GPHN: variants seen among roughly 807,000 people sequenced by gnomAD.
GPHN encodes the protein gephyrin.
In GPHN, 17 loss-of-function variants were observed where a neutral mutation model predicts 95.5. The ratio of observed to expected loss-of-function variants is 0.18; its 90% CI spans 0.12 to 0.27. GPHN has a LOEUF of 0.27. Among genes scored for constraint, GPHN ranks in the 10% least tolerant of loss-of-function variants. GPHN has a pLI of 1.00. For missense variants in GPHN, 660 were observed against 978.1 expected, an observed-to-expected ratio of 0.67 and a Z score of 4.34; for synonymous variants, 320 against 322.5, an observed-to-expected ratio of 0.99 and a Z score of 0.08.
At chr14:66,797,021 CTTT>C (rs369681377) in intron 3 of GPHN, among the ~76,000 whole-genome samples, 996 of 81,158 alleles carry the variant, frequency 0.012, 9 homozygotes, top group African/African-American at 0.043. Context: ...TATCTAGTTC[CTTT>C]TTTTTTTTTT....
At chr14:67,468,387 C>G in the GPHN span, among the ~76,000 whole-genome samples, 1 of 152,214 alleles carries the variant, frequency 6.6e-6, no homozygotes, top group East Asian at 1.9e-4. Flanking sequence ...AACATTGCAG[C>G]CTTCTGAGAC....
intron 13 of GPHN, among the ~76,000 whole-genome samples, chr14:67,101,169 A>T (rs993797587): frequency 1.3e-5 from 2 of 151,870 alleles, no homozygotes; most frequent in African/African-American, 2.4e-5. Flanking sequence ...CAGACCTGTG[A>T]TTGGGTGATT....
chr14:67,382,014 C>T, the GPHN span, among the ~76,000 whole-genome samples: 1 of 152,188 alleles, frequency 6.6e-6, no homozygotes, highest in Admixed American at 6.5e-5. Flanking sequence ...TTTCTTCTAT[C>T]TGTACACATA....
At chr14:67,651,499 G>A in the GPHN span, 6 of 1,612,644 alleles carry the variant, frequency 3.7e-6, no homozygotes, top group Non-Finnish European at 5.1e-6. Context: ...GAGAAGCAAA[G>A]TGGGGAGTAG....
intron 2 of GPHN, among the ~76,000 whole-genome samples, chr14:66,725,867 G>A (rs1224975702): frequency 6.6e-6 from 1 of 152,064 alleles, no homozygotes; most frequent in Non-Finnish European, 1.5e-5. Context: ...TGCATGCCTG[G>A]TATTGAAAAA....
chr14:66,895,061 A>G (rs2064759524), intron 5 of GPHN, among the ~76,000 whole-genome samples: 1 of 152,214 alleles, frequency 6.6e-6, no homozygotes, highest in Non-Finnish European at 1.5e-5. Context: ...ATGCACACAT[A>G]TGTTTATTGC....
the GPHN span, among the ~76,000 whole-genome samples, chr14:67,245,547 C>T: frequency 1.3e-5 from 2 of 151,994 alleles, no homozygotes; most frequent in Non-Finnish European, 2.9e-5. Context: ...GATGGGGTCT[C>T]ACTATGTTTC....
At chr14:67,335,520 G>A in the GPHN span, 1 of 152,646 alleles carries the variant, frequency 6.6e-6, no homozygotes, top group Non-Finnish European at 1.5e-5. Flanking sequence ...ACAAATGGAA[G>A]GAGAATATTA....
At chr14:67,501,916 C>T in the GPHN span, among the ~76,000 whole-genome samples, 1 of 152,180 alleles carries the variant, frequency 6.6e-6, no homozygotes, top group Non-Finnish European at 1.5e-5. Context: ...CTCTGTTAGA[C>T]CAAGTCAGAT....
the GPHN span, among the ~76,000 whole-genome samples, chr14:67,326,008 G>A: frequency 1.2e-5 from 1 of 86,592 alleles, no homozygotes; most frequent in African/African-American, 7.6e-5. Context: ...TGTATTTTTA[G>A]TAGAGACTGG....
At position 66,583,120 on chromosome 14, in the gene GPHN, T is replaced by C. The variant is rs563347819; in HGVS notation, c.64+74529T>C. Among the ~76,000 whole-genome samples, 29 of 152,078 alleles carry C rather than the reference T, an allele frequency of 1.9e-4. No individual in the cohort carries two copies. The East Asian group carries it at 2.9e-3, about 15-fold the overall frequency. ...TATCTCATTGTGGTTTTGATTTGCATTTCTCTGATGGCCAGTGATGATGAG... is the reference window on the plus strand; with the variant it reads ...TATCTCATTGTGGTTTTGATTTGCACTTCTCTGATGGCCAGTGATGATGAG... On this transcript the variant is annotated intron_variant, in intron 1 of 22. Coordinates refer to ENST00000478722, the MANE Select transcript of GPHN (RefSeq NM_020806.5).
In GPHN at chr14:66,832,291, G is replaced by T. The variant is rs147362540; in HGVS notation, c.294+7725G>T. Among the ~76,000 whole-genome samples the T allele has an allele frequency of 6.1e-4, 93 of 152,250 alleles. 1 individual carries two copies. Among genetic ancestry groups the T allele is most frequent in the East Asian group, 2.5e-3 (13 of 5,182 alleles). On this transcript the variant is annotated intron_variant, in intron 4 of 22. Transcript: ENST00000478722. Reference sequence around the variant, plus strand: ...TAAATGGCAATAAATGCATGTAAAAGGATCTAACATAATGCCTGTAATCTT... The same window carrying T: ...TAAATGGCAATAAATGCATGTAAAATGATCTAACATAATGCCTGTAATCTT...
chr14:66,540,275 A>G (rs1292536713), intron 1 of GPHN, among the ~76,000 whole-genome samples: 1 of 152,122 alleles, frequency 6.6e-6, no homozygotes, highest in Non-Finnish European at 1.5e-5. Flanking sequence ...GTGGCTCTTA[A>G]AACTTCTGCT....
intron 2 of GPHN, among the ~76,000 whole-genome samples, chr14:66,738,749 T>C (rs2072518702): frequency 6.6e-6 from 1 of 152,178 alleles, no homozygotes; most frequent in Non-Finnish European, 1.5e-5. Context: ...AATAAATATG[T>C]TAATTTCATA....
At chr14:66,513,774 G>A (rs1305680862) in intron 1 of GPHN, among the ~76,000 whole-genome samples, 1 of 151,820 alleles carries the variant, frequency 6.6e-6, no homozygotes, top group African/African-American at 2.4e-5. Flanking sequence ...AATGTTTAAT[G>A]AAGTATTGCT....
At chr14:67,434,718 T>C in the GPHN span, among the ~76,000 whole-genome samples, 5 of 152,176 alleles carry the variant, frequency 3.3e-5, no homozygotes, top group Non-Finnish European at 5.9e-5. Context: ...CACCAAACCC[T>C]ACAGGCAGTG....
intron 6 of GPHN, among the ~76,000 whole-genome samples, chr14:66,922,320 TAGG>T (rs562645478): frequency 1.7e-3 from 252 of 151,916 alleles, no homozygotes; most frequent in Middle Eastern, 3.4e-3. Flanking sequence ...TCACAATAAT[TAGG>T]AGTAGTACAG....
At chr14:67,683,459 G>C in the GPHN span, among the ~76,000 whole-genome samples, 1 of 152,132 alleles carries the variant, frequency 6.6e-6, no homozygotes, top group Admixed American at 6.5e-5. Context: ...TACAGAGCCA[G>C]GTTTGTTACA....
chr14:66,626,131 C>A (rs2063517808), intron 1 of GPHN, among the ~76,000 whole-genome samples: 1 of 152,014 alleles, frequency 6.6e-6, no homozygotes, highest in Non-Finnish European at 1.5e-5. Flanking sequence ...AATTAATACC[C>A]CTGTTTTTCA....
Sources: allele counts gnomAD v4.1 joint callset (sites outside exome capture counted in the v4.1 genomes callset), GRCh38; gene constraint gnomAD v4.1.1; transcripts MANE v1.5; gene names NCBI Gene and HGNC (gene_info 2026-07-23, HGNC 2026-07-21).